Variants in TPRG1 observed in about 807,000 individuals in gnomAD.
TPRG1 encodes the protein tumor protein p63-regulated gene 1 protein.
TPRG1 carries 29 observed loss-of-function variants against 29.3 expected under a neutral mutation model. The ratio of observed to expected loss-of-function variants is 0.99; its 90% CI spans 0.74 to 1.35. The LOEUF is 1.35. Ranked by LOEUF, TPRG1 falls within the 40% of genes most tolerant of loss-of-function variation. The probability of loss-of-function intolerance (pLI) is 0.00; values close to 1 mark genes in which losing one functional copy is unlikely to be tolerated. For synonymous variants in TPRG1, 130 were observed against 116.8 expected (o/e 1.11, Z -0.73); for missense variants, 327 against 335.0 (o/e 0.98, Z 0.19).
At chr3:189,247,616 G>A (rs1741553016) in intron 4 of TPRG1, among the ~76,000 whole-genome samples, 1 of 151,854 alleles carries the variant, frequency 6.6e-6, no homozygotes, top group East Asian at 1.9e-4. Context: ...GGCAAAGTGG[G>A]GAGTGGAAGA....
At chr3:189,146,333 C>T (rs936489464) in intron 3 of TPRG1, among the ~76,000 whole-genome samples, 9 of 152,156 alleles carry the variant, frequency 5.9e-5, no homozygotes, top group Non-Finnish European at 1.0e-4. Context: ...AGAAGGCGCC[C>T]GTAAGTCTCT....
chr3:189,212,668 C>A (rs2108827385), intron 2 of TPRG1, among the ~76,000 whole-genome samples: 1 of 152,102 alleles, frequency 6.6e-6, no homozygotes, highest in Non-Finnish European at 1.5e-5. Context: ...CTTTAAAAAT[C>A]ACATCTGATT....
At chr3:189,036,300 T>C (rs532733542) in intron 4 of TPRG1, among the ~76,000 whole-genome samples, 2 of 152,044 alleles carry the variant, frequency 1.3e-5, no homozygotes, top group Non-Finnish European at 2.9e-5. Context: ...GAGAAACTAC[T>C]AGTGTAAAAT....
At chr3:189,259,091 C>T (rs1712484844) in intron 4 of TPRG1, among the ~76,000 whole-genome samples, 1 of 152,266 alleles carries the variant, frequency 6.6e-6, no homozygotes, top group Middle Eastern at 3.4e-3. Context: ...CAGATGGCCT[C>T]CCAGTTTTGT....
At chr3:189,001,666 G>T (rs1014643117) in intron 2 of TPRG1, among the ~76,000 whole-genome samples, 4 of 152,284 alleles carry the variant, frequency 2.6e-5, no homozygotes, top group South Asian at 4.1e-4. Flanking sequence ...ATTCAGACCA[G>T]TGCAGCTTTG....
chr3:189,320,731 T>C lies in TPRG1; in HGVS notation c.739T>C (p.Leu247=). 2 of 1,605,644 alleles carry C rather than the reference T, an allele frequency of 1.2e-6. No individual in the cohort carries two copies. The highest frequency in any genetic ancestry group is 3.4e-5 in the Admixed American group (2 of 59,030). The change falls in exon 6 of 6, where the codon TTG becomes CTG. Residue 247 remains leucine, a synonymous_variant. Transcript: ENST00000345063. ...KKLMVLTEPI[L]IETYTGLMSF... ...ACTGATGGTGTTAACTGAACCCATTTTGATTGAGACCTACACAGGGCTGAT... is the reference window on the plus strand; with the variant it reads ...ACTGATGGTGTTAACTGAACCCATTCTGATTGAGACCTACACAGGGCTGAT...
At chr3:189,226,686 CA>C (rs1737766425) in intron 3 of TPRG1, among the ~76,000 whole-genome samples, 1 of 121,288 alleles carries the variant, frequency 8.2e-6, no homozygotes. Flanking sequence ...GAATAGCAAT[CA>C]ATGAAAAAAT....
chr3:189,028,930 G>A (rs531775198), intron 4 of TPRG1, among the ~76,000 whole-genome samples: 4 of 151,820 alleles, frequency 2.6e-5, no homozygotes, highest in Admixed American at 6.6e-5. Context: ...CAAGTGTCTC[G>A]AAATAAAGGA....
chr3:189,180,800 T>C (rs1052722578), intron 1 of TPRG1, among the ~76,000 whole-genome samples: 11 of 152,152 alleles, frequency 7.2e-5, no homozygotes, highest in African/African-American at 2.4e-4. Context: ...CACTAGGTGG[T>C]GCCCCAGTAG....
At chr3:189,019,676 T>C (rs1280511112) in intron 3 of TPRG1, among the ~76,000 whole-genome samples, 1 of 152,056 alleles carries the variant, frequency 6.6e-6, no homozygotes, top group Non-Finnish European at 1.5e-5. Flanking sequence ...TCATCAAGGA[T>C]ATTGGTCTAA....
At chr3:189,020,108 T>A (rs1210825936) in intron 3 of TPRG1, among the ~76,000 whole-genome samples, 2 of 152,084 alleles carry the variant, frequency 1.3e-5, no homozygotes, top group Non-Finnish European at 2.9e-5. Flanking sequence ...TGCGTCTATT[T>A]GATTCTTCTC....
intron 4 of TPRG1, among the ~76,000 whole-genome samples, chr3:189,047,286 A>T (rs1715038363): frequency 6.6e-6 from 1 of 152,236 alleles, no homozygotes; most frequent in Non-Finnish European, 1.5e-5. Context: ...TTTCCAGTGC[A>T]TATAAAAGTT....
chr3:189,290,121 A>G (rs1357976161), intron 4 of TPRG1, among the ~76,000 whole-genome samples: 3 of 152,206 alleles, frequency 2.0e-5, no homozygotes, highest in Non-Finnish European at 4.4e-5. Context: ...CTGGCAAAAT[A>G]TGAGAAGCAG....
intron 3 of TPRG1, among the ~76,000 whole-genome samples, chr3:189,133,036 G>A (rs1032229976): frequency 3.3e-5 from 5 of 152,184 alleles, no homozygotes; most frequent in Admixed American, 1.3e-4. Context: ...TACCATGATG[G>A]TGCAAGGAAA....
chr3:189,177,429 T>A (rs1461697517), intron 1 of TPRG1, among the ~76,000 whole-genome samples: 2 of 151,562 alleles, frequency 1.3e-5, no homozygotes, highest in Non-Finnish European at 2.9e-5. Flanking sequence ...TCTATACATA[T>A]ATATGTATAC....
chr3:189,185,149 A>G (rs1415117553), intron 1 of TPRG1, among the ~76,000 whole-genome samples: 2 of 152,036 alleles, frequency 1.3e-5, no homozygotes, highest in Non-Finnish European at 2.9e-5. Flanking sequence ...TTGTGTCACT[A>G]TTATCTTTGA....
intron 3 of TPRG1, among the ~76,000 whole-genome samples, chr3:189,138,900 T>A (rs1165759888): frequency 1.3e-5 from 2 of 152,024 alleles, no homozygotes; most frequent in African/African-American, 4.8e-5. Context: ...AGGTGAAAGG[T>A]GCCCTGTGGC....
chr3:189,159,156 T>G (rs1727109383), intron 5 of TPRG1, among the ~76,000 whole-genome samples: 2 of 152,134 alleles, frequency 1.3e-5, no homozygotes, highest in South Asian at 4.1e-4. Flanking sequence ...CAACTTTTGG[T>G]TTCAATGCTA....
intron 3 of TPRG1, among the ~76,000 whole-genome samples, chr3:189,017,537 T>C (rs1713012988): frequency 1.3e-5 from 2 of 152,234 alleles, no homozygotes; most frequent in Non-Finnish European, 2.9e-5. Flanking sequence ...GTTTCATCCA[T>C]GTGCCTACAA....
Sources: gnomAD v4.1 joint callset for allele counts (sites outside exome capture counted in the v4.1 genomes callset) on GRCh38, gnomAD v4.1.1 for gene constraint, MANE v1.5 for transcripts, NCBI Gene and HGNC (gene_info 2026-07-23, HGNC 2026-07-21) for gene names.